Variants in MUC5B observed in about 807,000 individuals in gnomAD.
The protein encoded by MUC5B is mucin 5B, oligomeric mucus/gel-forming.
A neutral mutation model predicts 376.9 loss-of-function variants in MUC5B; 116 were observed. The ratio of observed to expected loss-of-function variants is 0.31; its 90% CI spans 0.26 to 0.36. The LOEUF (loss-of-function observed/expected upper bound fraction) is 0.36. Ranked by LOEUF, MUC5B falls within the 10% of genes least tolerant of loss-of-function variation. The pLI, the probability that MUC5B is intolerant of heterozygous loss-of-function variation, is 1.00. For missense variants in MUC5B, 7,165 were observed against 7,769.9 expected (o/e 0.92, Z 2.93); for synonymous variants, 3,517 against 3,390.9 (o/e 1.04, Z -1.29).
At chr11:1,239,116 G>A (rs1564937089) in intron 26 of MUC5B, 89 bp downstream of exon 26, 20 of 1,461,114 alleles carry the variant, frequency 1.4e-5, no homozygotes, top group Non-Finnish European at 1.8e-5. Context: ...CATTGACCTG[G>A]GCCTGAGCCG....
Position 1,242,039 on chromosome 11 carries a change from C to A in MUC5B, c.5159C>A (p.Thr1720Lys), listed in dbSNP as rs1489559606. The A allele has an allele frequency of 3.8e-6, 6 of 1,591,422 alleles. No homozygotes were observed. Among genetic ancestry groups the A allele is most frequent in the Admixed American group, 3.6e-5 (2 of 55,356 alleles). Residue 1720 changes from threonine (T) to lysine (K), a missense_variant, in exon 31 of 49, where the codon ACA (threonine) becomes AAA (lysine). Transcript: ENST00000529681. The part of the protein sequence containing the change: ...RPSQPPTLAP[T>K]TMATSRARPT... ...TCACAGCCACCCACGCTGGCCCCAA[C>A]AACAATGGCAACCTCCAGAGCTCGC...
chr11:1,249,760 T>C lies in MUC5B; in HGVS notation c.12880T>C (p.Ser4294Pro). The C allele has an allele frequency of 6.2e-7, 1 of 1,611,154 alleles. No homozygotes were observed. The highest frequency in any genetic ancestry group is 8.5e-7 in the Non-Finnish European group (1 of 1,179,008). ...GGCCACCACACCCACAGCCACCAGT[T>C]CCAAAGCCACTTCCTCCTCCAGTCC... ...SPATTPTATSSKATSSSSPRT... is the reference protein window; with the variant it reads ...SPATTPTATSPKATSSSSPRT... Residue 4294 changes from serine to proline, a missense_variant, in exon 31 of 49, where the codon TCC becomes CCC. By Grantham distance (74) the Ser-to-Pro change is moderately conservative. Coordinates refer to ENST00000529681, the MANE Select transcript of MUC5B (RefSeq NM_002458.3).
rs375949720 is a variant in MUC5B, at chr11:1,261,550, C to A, written c.17231C>A (p.Ala5744Glu). Residue 5744 changes from alanine (A) to glutamate (E), a missense_variant, in exon 49 of 49, where the codon GCG (alanine) becomes GAG (glutamate). Transcript: ENST00000529681. ...ECGCTPFCVP[A>E]PMAPPHTRGF... ...GGCTGCACGCCCTTCTGTGTCCCTG[C>A]GCCCATGGCTCCCCCACACACCCGT... The A allele has an allele frequency of 4.4e-6, 7 of 1,608,502 alleles. No homozygotes were observed. Among genetic ancestry groups the A allele is most frequent in the Non-Finnish European group, 5.9e-6 (7 of 1,178,452 alleles).
Position 1,259,780 on chromosome 11 carries a change from G to C in MUC5B, c.16738G>C (p.Gly5580Arg), listed in dbSNP as rs776709402. 6.2e-7 allele frequency: 1 copy of C among 1,612,292 alleles called. No homozygotes were observed. Among genetic ancestry groups the C allele is most frequent in the Non-Finnish European group, 8.5e-7 (1 of 1,179,666 alleles). The stretch of plus-strand genomic sequence containing the variant: ...GGGCTTTGAGTACAAGAGAGTGGCC[G>C]GGCAGTGCTGTGGGGAGTGCGTCCA... ...PQGFEYKRVA[G>R]QCCGECVQTA... is the part of the protein sequence containing the mutation. The change falls in exon 45 of 49, where the codon GGG becomes CGG. Residue 5580 changes from glycine to arginine, a missense_variant. Around this residue, in one of 31 missense-constraint regions of MUC5B, gnomAD observed 842 missense variants for 1,016.9 expected, o/e 0.83. Transcript: ENST00000529681.
intron 31 of MUC5B, 62 bp downstream of exon 31, chr11:1,251,805 G>C (rs991205506): frequency 9.8e-6 from 12 of 1,225,832 alleles, no homozygotes; most frequent in Non-Finnish European, 1.3e-5. Flanking sequence ...ACCTGGGTCT[G>C]CCTGTCCTGG....
chr11:1,227,339 C>G lies in MUC5B; in HGVS notation c.608C>G (p.Thr203Ser), dbSNP rs757901687. ...LELDPKYANQTCGLCGDFNGL... is the reference protein window; with the variant it reads ...LELDPKYANQSCGLCGDFNGL... ...CTGGATCCCAAATACGCCAACCAGA[C>G]CTGTGGCCTGTGTGGGGACTTCAAC... is the stretch of plus-strand genomic sequence containing the variant. Residue 203 changes from threonine to serine, a missense_variant, in exon 6 of 49, where the codon ACC (threonine) becomes AGC (serine). Thr to Ser is a moderately conservative substitution (Grantham distance 58). Transcript: ENST00000529681. The G allele has an allele frequency of 2.5e-6, 4 of 1,612,810 alleles. No individual in the cohort carries two copies. In the East Asian group the frequency reaches 8.9e-5, roughly 36 times the overall value.
In MUC5B at chr11:1,243,078, C is replaced by G. The variant is rs1862336557; in HGVS notation, c.6198C>G (p.Ser2066Arg). ...TTGFTATPSS[S>R]PGTALTPPVW... ...GCTTCACAGCCACCCCCTCCTCCAG[C>G]CCAGGGACGGCACTCACGCCTCCAG... The change falls in exon 31 of 49, where the codon AGC (serine) becomes AGG (arginine). Residue 2066 changes from serine (S) to arginine (R), a missense_variant. Ser to Arg is a moderately radical substitution (Grantham distance 110, BLOSUM62 -1). Around this residue, in one of 31 missense-constraint regions of MUC5B, gnomAD observed 897 missense variants for 779.6 expected, o/e 1.15. Transcript: ENST00000529681. 3 of 1,612,120 alleles carry G rather than the reference C, an allele frequency of 1.9e-6. No individual in the cohort carries two copies. Among genetic ancestry groups the G allele is most frequent in the Non-Finnish European group, 2.5e-6 (3 of 1,179,030 alleles).
At chr11:1,261,346 C>CGGGGCCAAGGTGGCTGATGTG in intron 48 of MUC5B, 43 bp from the exon 49 acceptor site, 1 of 1,507,708 alleles carries the variant, frequency 6.6e-7, no homozygotes. Flanking sequence ...AGAGAAACGG[C>CGGGGCCAAGGTGGCTGATGTG]GGGGCCAAGG....
Position 1,255,080 on chromosome 11 carries a change from G to C in MUC5B, c.15704G>C (p.Arg5235Pro). The stretch of plus-strand genomic sequence containing the variant: ...AACCAGAGGGACGACTGTCTCCAGC[G>C]GGACGGAACCACTGCCGCCAGTTGC... ...TNNQRDDCLQRDGTTAASCKD... is the reference protein window; with the variant it reads ...TNNQRDDCLQPDGTTAASCKD... Residue 5235 changes from arginine to proline, a missense_variant, in exon 36 of 49, where the codon CGG becomes CCG. Arg to Pro is a moderately radical substitution (Grantham distance 103). This residue lies in a region of MUC5B where 842 missense variants were observed against 1,016.9 expected (regional missense o/e 0.83). Transcript: ENST00000529681. 6.3e-7 allele frequency: 1 copy of C among 1,595,422 alleles called. No individual in the cohort carries two copies. The highest frequency in any genetic ancestry group is 1.1e-5 in the South Asian group (1 of 88,164).
In MUC5B at chr11:1,254,078, T is replaced by A; in HGVS notation, c.15218-14T>A. The A allele has an allele frequency of 1.2e-6, 2 of 1,608,602 alleles. No individual in the cohort carries two copies. The highest frequency in any genetic ancestry group is 1.7e-6 in the Non-Finnish European group (2 of 1,178,618). ...ACCACGGAGCCTGCCAGCCCGTCCA[T>A]CTCTGTCCCGCAGGCATCTGCAGCA... On this transcript the variant is annotated splice_polypyrimidine_tract_variant and intron_variant, in intron 33 of 48. Transcript: ENST00000529681.
At chr11:1,236,319 C>T (rs996178894) in intron 23 of MUC5B, 67 bp from the exon 24 acceptor site, 1 of 1,503,146 alleles carries the variant, frequency 6.7e-7, no homozygotes, top group Admixed American at 2.0e-5. Context: ...GTGGGGCATC[C>T]CTGGGTCTCA....
In MUC5B at chr11:1,248,422, G is replaced by A. The variant is rs568648127; in HGVS notation, c.11542G>A (p.Gly3848Ser). 81 of 1,610,974 alleles carry A rather than the reference G, an allele frequency of 5.0e-5. 1 individual carries two copies. The highest frequency in any genetic ancestry group is 4.8e-4 in the South Asian group (44 of 90,950). The change falls in exon 31 of 49, where the codon GGC becomes AGC. Residue 3848 changes from glycine to serine, a missense_variant. Physicochemically the swap from Gly to Ser is moderately conservative, Grantham distance 56. Around this residue, in one of 31 missense-constraint regions of MUC5B, gnomAD observed 242 missense variants for 199.0 expected, o/e 1.22. Coordinates refer to ENST00000529681, the MANE Select transcript of MUC5B (RefSeq NM_002458.3). ...TTTATTTRATGSVATPSSTPG... is the reference protein window; with the variant it reads ...TTTATTTRATSSVATPSSTPG... ...CACGGCCACCACAACCAGGGCCACC[G>A]GCTCTGTGGCCACCCCCTCTTCCAC... is the stretch of plus-strand genomic sequence containing the variant.
rs745732467 is a variant in MUC5B, at chr11:1,244,093, C to T, written c.7213C>T (p.Arg2405Cys). 7 of 1,585,512 alleles carry T rather than the reference C, an allele frequency of 4.4e-6. No homozygotes were observed. Among genetic ancestry groups the T allele is most frequent in the African/African-American group, 1.3e-5 (1 of 74,390 alleles). Reference sequence around the variant, plus strand: ...CAAGATGTGCTTCAACTATGAAATCCGTGTGTTCTGCTGCAACTACGGCCA... The same window carrying T: ...CAAGATGTGCTTCAACTATGAAATCTGTGTGTTCTGCTGCAACTACGGCCA... ...KFKMCFNYEIRVFCCNYGHCP... is the reference protein window; with the variant it reads ...KFKMCFNYEICVFCCNYGHCP... The change falls in exon 31 of 49, where the codon CGT becomes TGT. Residue 2405 changes from arginine (R) to cysteine (C), a missense_variant. Arg to Cys is a radical substitution (Grantham distance 180). Transcript: ENST00000529681.
rs912573252 is a variant in MUC5B at position 1,246,139 on chromosome 11, C to G, written c.9259C>G (p.Pro3087Ala). 9.9e-6 allele frequency: 16 copies of G among 1,612,968 alleles called. No individual in the cohort carries two copies. Among genetic ancestry groups the G allele is most frequent in the Admixed American group, 1.7e-5 (1 of 59,958 alleles). Residue 3087 changes from proline (P) to alanine (A), a missense_variant, in exon 31 of 49, where the codon CCC (proline) becomes GCC (alanine). By Grantham distance (27) the Pro-to-Ala change is conservative. This residue lies in a region of MUC5B where 939 missense variants were observed against 770.6 expected (regional missense o/e 1.22). Coordinates refer to ENST00000529681, the MANE Select transcript of MUC5B (RefSeq NM_002458.3). ...GACCCTCCCAGAACAGACCACCACACCCATGGCCACCATGTCCACAATCCA... is the reference window on the plus strand; with the variant it reads ...GACCCTCCCAGAACAGACCACCACAGCCATGGCCACCATGTCCACAATCCA... ...TGTLPEQTTT[P>A]MATMSTIHPS...
rs1298482541 is a variant in MUC5B at position 1,246,048 on chromosome 11, C to G, written c.9168C>G (p.Ser3056Arg). The change falls in exon 31 of 49, where the codon AGC becomes AGG. Residue 3056 changes from serine (S) to arginine (R), a missense_variant. Physicochemically the swap from Ser to Arg is moderately radical, Grantham distance 110. Around this residue, in one of 31 missense-constraint regions of MUC5B, gnomAD observed 939 missense variants for 770.6 expected, o/e 1.22. Coordinates refer to ENST00000529681, the MANE Select transcript of MUC5B (RefSeq NM_002458.3). ...RTATTLPVLTSTATKSTATSF... is the reference protein window; with the variant it reads ...RTATTLPVLTRTATKSTATSF... ...CAACCACCCTTCCAGTGCTGACAAG[C>G]ACAGCCACCAAATCCACAGCTACCA... is the stretch of plus-strand genomic sequence containing the variant. 2.5e-6 allele frequency: 4 copies of G among 1,613,056 alleles called. No individual in the cohort carries two copies. The highest frequency in any genetic ancestry group is 1.7e-4 in the Middle Eastern group (1 of 6,060).
rs372303707 is a variant in MUC5B, at chr11:1,247,657, G to A, written c.10777G>A (p.Gly3593Arg). The change falls in exon 31 of 49, where the codon GGG becomes AGG. Residue 3593 changes from glycine (G) to arginine (R), a missense_variant. Around this residue, in one of 31 missense-constraint regions of MUC5B, gnomAD observed 81 missense variants for 154.5 expected, o/e 0.52. Transcript: ENST00000529681. The stretch of plus-strand genomic sequence containing the variant: ...CTACCCCATGCCGGGGCCCTCTGGC[G>A]GGGACTTTGACACCTACTCCAACAT... ...YSYPMPGPSG[G>R]DFDTYSNIRA... The A allele has an allele frequency of 5.6e-6, 9 of 1,603,946 alleles. No individual in the cohort carries two copies. The highest frequency in any genetic ancestry group is 7.7e-6 in the Non-Finnish European group (9 of 1,174,970).
In MUC5B at chr11:1,242,529, C is replaced by T. The variant is rs747193983; in HGVS notation, c.5649C>T (p.Ser1883=). The T allele has an allele frequency of 1.2e-6, 2 of 1,613,712 alleles. No homozygotes were observed. Among genetic ancestry groups the T allele is most frequent in the Non-Finnish European group, 1.7e-6 (2 of 1,179,826 alleles). ...GTGTGCTTTGCTGTGACGACTACAG[C>T]CACTGCCCCAGTACCCCAGCCACCA... ...NVRVLCCDDY[S]HCPSTPATSS... The change falls in exon 31 of 49, where the codon AGC becomes AGT. Residue 1883 remains serine (S), a synonymous_variant. Coordinates refer to ENST00000529681, the MANE Select transcript of MUC5B (RefSeq NM_002458.3).
Position 1,246,081 on chromosome 11 carries a change from A to G in MUC5B, c.9201A>G (p.Thr3067=). ...TATKSTATSF[T]PIPSFTLGTT... The stretch of plus-strand genomic sequence containing the variant: ...CCAAATCCACAGCTACCAGCTTTAC[A>G]CCCATCCCCTCCTTCACCCTTGGGA... The change falls in exon 31 of 49, where the codon ACA becomes ACG. Residue 3067 remains threonine, a synonymous_variant. Transcript: ENST00000529681. 1 of 1,612,098 alleles carries G rather than the reference A, an allele frequency of 6.2e-7. No homozygotes were observed. The highest frequency in any genetic ancestry group is 1.7e-4 in the Middle Eastern group (1 of 6,060).
Position 1,247,303 on chromosome 11 carries a change from A to G in MUC5B, c.10423A>G (p.Thr3475Ala), listed in dbSNP as rs1862513169. Residue 3475 changes from threonine to alanine, a missense_variant, in exon 31 of 49, where the codon ACC becomes GCC. This residue lies in a region of MUC5B where 939 missense variants were observed against 770.6 expected (regional missense o/e 1.22). Transcript: ENST00000529681. ...HTVRTAWTSA[T>A]SGILGTTHIT... Reference sequence around the variant, plus strand: ...GGTGCGCACAGCCTGGACTTCGGCCACCTCGGGCATCTTGGGCACCACCCA... The same window carrying G: ...GGTGCGCACAGCCTGGACTTCGGCCGCCTCGGGCATCTTGGGCACCACCCA... 3.7e-6 allele frequency: 6 copies of G among 1,611,214 alleles called. No individual in the cohort carries two copies. Among genetic ancestry groups the G allele is most frequent in the Non-Finnish European group, 5.1e-6 (6 of 1,179,436 alleles).
Sources: allele counts gnomAD v4.1 joint callset, GRCh38; gene constraint gnomAD v4.1.1; regional missense constraint gnomAD v4.1.1; transcripts MANE v1.5; gene names NCBI Gene and HGNC (gene_info 2026-07-23, HGNC 2026-07-21).